Variants in ANKRD13B observed in about 807,000 individuals in gnomAD.
ANKRD13B encodes the protein ankyrin repeat domain-containing protein 13B.
ANKRD13B carries 33 observed loss-of-function variants against 74.4 expected under a neutral mutation model. The observed-to-expected ratio is 0.44, with a 90% CI of 0.34 to 0.59. The LOEUF (loss-of-function observed/expected upper bound fraction) is 0.59, where lower values mean the gene tolerates loss of function less well. Ranked by LOEUF, ANKRD13B falls within the 20% of genes least tolerant of loss-of-function variation. The probability of loss-of-function intolerance (pLI) is 0.02; values close to 1 mark genes in which losing one functional copy is unlikely to be tolerated. For missense variants in ANKRD13B, 676 were observed against 877.9 expected (o/e 0.77, Z 2.91); for synonymous variants, 341 against 362.9 (o/e 0.94, Z 0.68).
chr17:29,613,635 G>T lies in ANKRD13B; in HGVS notation c.*53G>T. On this transcript the variant is annotated 3_prime_UTR_variant, in exon 15 of 15. Transcript: ENST00000394859. ...CCACGCGCGCCACGCCCAGGGCCAG[G>T]AGCCAGACAAACCCCGGCCTGCGCG... 1 of 1,385,736 alleles carries T rather than the reference G, an allele frequency of 7.2e-7. No homozygotes were observed. The highest frequency in any genetic ancestry group is 1.6e-5 in the South Asian group (1 of 62,336). The allele number at this position is 1,385,736 out of a possible 1,614,324, so 85.8% of individuals were successfully genotyped here. A position where few individuals can be genotyped will look rare whatever the true frequency, so the allele number is the denominator to read the frequency against.
At chr17:29,595,779 A>G (rs985408689) in intron 1 of ANKRD13B, among the ~76,000 whole-genome samples, 1 of 152,262 alleles carries the variant, frequency 6.6e-6, no homozygotes. Flanking sequence ...CCCTTGTTCA[A>G]CCACAGAGGA....
chr17:29,612,341 GGGGCTGA>G lies in ANKRD13B; in HGVS notation c.1259-58_1259-52del, dbSNP rs547231661. On this transcript the variant is annotated intron_variant, in intron 11 of 14. Transcript: ENST00000394859. The surrounding 1 kb of genome is among the most constrained non-coding windows in gnomAD (Gnocchi z 6.1). Reference sequence around the variant, plus strand: ...ACCGGGGTTTAGATGAGGTCGGGGTGGGGCTGAGGCTGAGGTGTGAGGGGCTGAGTGG... The same window carrying G: ...ACCGGGGTTTAGATGAGGTCGGGGTGGGCTGAGGTGTGAGGGGCTGAGTGG... 282 of 1,611,454 alleles carry G rather than the reference GGGGCTGA, an allele frequency of 1.7e-4. 1 individual carries two copies. The African/African-American group carries it at 3.6e-3, about 20-fold the overall frequency.
chr17:29,606,133 A>G (rs1598608726), intron 1 of ANKRD13B, among the ~76,000 whole-genome samples: 2 of 150,208 alleles, frequency 1.3e-5, no homozygotes, highest in Non-Finnish European at 1.5e-5. Context: ...CTGGTCTCGA[A>G]CTCCCAACCT....
Position 29,611,496 on chromosome 17 carries a change from G to C in ANKRD13B, c.905-83G>C. ...ACCCCAGGAACCGGCCTCCTCCCTA[G>C]GTCTTGGGTGCTGTCACCTCTGATG... is the stretch of plus-strand genomic sequence containing the variant. On this transcript the variant is annotated intron_variant, in intron 8 of 14. Coordinates refer to ENST00000394859, the MANE Select transcript of ANKRD13B (RefSeq NM_152345.5). The surrounding 1 kb of genome is among the most constrained non-coding windows in gnomAD (Gnocchi z 4.3). The C allele has an allele frequency of 1.4e-6, 2 of 1,458,942 alleles. No individual in the cohort carries two copies. Among genetic ancestry groups the C allele is most frequent in the South Asian group, 2.3e-5 (2 of 87,448 alleles). 90.4% of individuals were successfully genotyped at this position (1,458,942 alleles called of 1,614,324 possible).
intron 1 of ANKRD13B, among the ~76,000 whole-genome samples, chr17:29,607,247 G>A (rs955028780): frequency 2.0e-5 from 3 of 152,212 alleles, no homozygotes; most frequent in Admixed American, 2.0e-4. Flanking sequence ...ATTCCTGTCT[G>A]TGTATTACTG....
At chr17:29,606,728 T>TAAAAAA (rs370548766) in intron 1 of ANKRD13B, among the ~76,000 whole-genome samples, 2 of 62,968 alleles carry the variant, frequency 3.2e-5, no homozygotes, top group East Asian at 5.0e-4. Context: ...CTGTCTCAAG[T>TAAAAAA]AAAAAAAAAA....
Position 29,612,582 on chromosome 17 carries a change from C to T in ANKRD13B, c.1411+28C>T, listed in dbSNP as rs1259186518. 1 of 1,418,956 alleles carries T rather than the reference C, an allele frequency of 7.0e-7. No homozygotes were observed. The highest frequency in any genetic ancestry group is 9.4e-7 in the Non-Finnish European group (1 of 1,067,726). The allele number at this position is 1,418,956 out of a possible 1,614,324, so 87.9% of individuals were successfully genotyped here. On this transcript the variant is annotated intron_variant, in intron 12 of 14. Transcript: ENST00000394859. The surrounding 1 kb of genome is among the most constrained non-coding windows in gnomAD (Gnocchi z 6.1). ...GAGGCCCCCCGCGAGAACGCCTGCC[C>T]CTCGGCTCTCCCCGGGGTGGGTGGG...
chr17:29,613,200 C>T, intron 14 of ANKRD13B, 154 bp from the exon 15 acceptor site: 2 of 1,306,670 alleles, frequency 1.5e-6, no homozygotes, highest in East Asian at 5.2e-5. Flanking sequence ...CTGGGCTCCG[C>T]CACGACCAGG....
chr17:29,599,684 TGAA>T (rs1328660193), intron 1 of ANKRD13B, among the ~76,000 whole-genome samples: 1 of 151,980 alleles, frequency 6.6e-6, no homozygotes, highest in African/African-American at 2.4e-5. Context: ...ACTTCCAGAA[TGAA>T]GAAGGCAAGA....
chr17:29,613,497 A>T lies in ANKRD13B; in HGVS notation c.1796A>T (p.Gln599Leu), dbSNP rs371389990. The T allele has an allele frequency of 7.8e-6, 12 of 1,531,310 alleles. No individual in the cohort carries two copies. In the East Asian group the frequency reaches 3.1e-4, roughly 40 times the overall value. 94.9% of individuals were successfully genotyped at this position (1,531,310 alleles called of 1,614,324 possible). Residue 599 changes from glutamine (Q) to leucine (L), a missense_variant, in exon 15 of 15, where the codon CAG (glutamine) becomes CTG (leucine). Physicochemically the swap from Gln to Leu is moderately radical, Grantham distance 113 (BLOSUM62 -2). Coordinates refer to ENST00000394859, the MANE Select transcript of ANKRD13B (RefSeq NM_152345.5). ...QLRLAMELSA[Q>L]EQEERRRRAR... ...CGGCTGGCGATGGAACTGTCGGCGC[A>T]GGAGCAGGAGGAGAGGCGGCGGCGC...
Position 29,600,011 on chromosome 17 carries a change from T to G in ANKRD13B, c.114+6276T>G, listed in dbSNP as rs564885598. On this transcript the variant is annotated intron_variant, in intron 1 of 14. Transcript: ENST00000394859. ...CCTGCCTCAGCCTCCCGAGTAGCTGTGACTACAGGCGCCCGCCACCACGCC... is the reference window on the plus strand; with the variant it reads ...CCTGCCTCAGCCTCCCGAGTAGCTGGGACTACAGGCGCCCGCCACCACGCC... Among the ~76,000 whole-genome samples the G allele has an allele frequency of 3.9e-3, 584 of 151,418 alleles. 3 individuals are homozygous for G. The highest frequency in any genetic ancestry group is 4.8e-3 in the African/African-American group (200 of 41,266).
intron 1 of ANKRD13B, among the ~76,000 whole-genome samples, chr17:29,600,078 G>A (rs575305096): frequency 9.9e-5 from 15 of 151,950 alleles, no homozygotes; most frequent in East Asian, 1.9e-4. Context: ...GGGTTTCACC[G>A]TGTTAGCCAG....
chr17:29,613,892 G>C lies in ANKRD13B; in HGVS notation c.*310G>C. 1 of 372,876 alleles carries C rather than the reference G, an allele frequency of 2.7e-6. No individual in the cohort carries two copies. Among genetic ancestry groups the C allele is most frequent in the South Asian group, 7.4e-5 (1 of 13,476 alleles). 23.1% of individuals were successfully genotyped at this position (372,876 alleles called of 1,614,324 possible). A position where few individuals can be genotyped will look rare whatever the true frequency, so the allele number is the denominator to read the frequency against. On this transcript the variant is annotated 3_prime_UTR_variant, in exon 15 of 15. Transcript: ENST00000394859. ...GGCGGAGCCAGGCGGTCCTGAGGGG[G>C]AGATGAATCCTTAGAGGAGCGCTGT... is the stretch of plus-strand genomic sequence containing the variant.
chr17:29,611,609 G>C lies in ANKRD13B; in HGVS notation c.935G>C (p.Gly312Ala). 1 of 1,614,206 alleles carries C rather than the reference G, an allele frequency of 6.2e-7. No individual in the cohort carries two copies. The highest frequency in any genetic ancestry group is 2.2e-5 in the East Asian group (1 of 44,882). The change falls in exon 9 of 15, where the codon GGA becomes GCA. Residue 312 changes from glycine to alanine, a missense_variant. Physicochemically the swap from Gly to Ala is moderately conservative, Grantham distance 60. Around this residue, in one of 4 missense-constraint regions of ANKRD13B, gnomAD observed 328 missense variants for 518.4 expected, o/e 0.63. Coordinates refer to ENST00000394859, the MANE Select transcript of ANKRD13B (RefSeq NM_152345.5). The surrounding 1 kb of genome is among the most constrained non-coding windows in gnomAD (Gnocchi z 4.3). ...GCKTPLQSFLGIAEQHGGPQN... is the reference protein window; with the variant it reads ...GCKTPLQSFLAIAEQHGGPQN... ...AAGACACCTTTGCAGTCCTTCCTGGGAATCGCTGAGCAGCACGGGGGCCCC... is the reference window on the plus strand; with the variant it reads ...AAGACACCTTTGCAGTCCTTCCTGGCAATCGCTGAGCAGCACGGGGGCCCC...
In ANKRD13B at chr17:29,614,653, G is replaced by A. The variant is rs890659058; in HGVS notation, c.*1071G>A. On this transcript the variant is annotated 3_prime_UTR_variant, in exon 15 of 15. Transcript: ENST00000394859. ...CAGTGAGGCTCAGAAGGGACACAAA[G>A]AGGGATGGAAGAAAAGAACAAAGAG... 4 of 152,550 alleles carry A rather than the reference G, an allele frequency of 2.6e-5. No individual in the cohort carries two copies. The highest frequency in any genetic ancestry group is 9.7e-5 in the African/African-American group (4 of 41,446). 9.4% of individuals were successfully genotyped at this position (152,550 alleles called of 1,614,324 possible).
intron 1 of ANKRD13B, among the ~76,000 whole-genome samples, chr17:29,597,121 T>C (rs1368973795): frequency 6.6e-6 from 1 of 152,244 alleles, no homozygotes; most frequent in African/African-American, 2.4e-5. Flanking sequence ...GGCACCACCT[T>C]GAGCACAGGC....
intron 1 of ANKRD13B, among the ~76,000 whole-genome samples, chr17:29,600,188 A>G (rs988247334): frequency 1.3e-5 from 2 of 151,952 alleles, no homozygotes; most frequent in Non-Finnish European, 2.9e-5. Context: ...CTTAGCATCT[A>G]ATTTGTATGT....
intron 1 of ANKRD13B, among the ~76,000 whole-genome samples, chr17:29,596,404 G>T (rs1431760311): frequency 6.6e-6 from 1 of 152,262 alleles, no homozygotes; most frequent in East Asian, 1.9e-4. Flanking sequence ...GGGGGACAGG[G>T]TTGTAAGCCA....
chr17:29,600,922 C>CTTTTT (rs35831588), intron 1 of ANKRD13B, among the ~76,000 whole-genome samples: 2 of 125,684 alleles, frequency 1.6e-5, no homozygotes, highest in Non-Finnish European at 3.3e-5. Flanking sequence ...ATTTTACTGA[C>CTTTTT]TTTTTTTTTT....
Sources: allele counts gnomAD v4.1 joint callset (sites outside exome capture counted in the v4.1 genomes callset), GRCh38; gene constraint gnomAD v4.1.1; regional missense constraint gnomAD v4.1.1; non-coding constraint Gnocchi (gnomAD v3.1); transcripts MANE v1.5; gene names NCBI Gene and HGNC (gene_info 2026-07-23, HGNC 2026-07-21).